Variants in DAPK2 observed in about 807,000 individuals in gnomAD.
DAPK2 encodes death-associated protein kinase 2.
In DAPK2, 35 loss-of-function variants were observed where a neutral mutation model predicts 44.1. The ratio of observed to expected loss-of-function variants is 0.79; its 90% CI spans 0.61 to 1.05. The LOEUF (loss-of-function observed/expected upper bound fraction) is 1.05, where lower values mean the gene tolerates loss of function less well. Ranked by LOEUF, DAPK2 falls within the 50% of genes least tolerant of loss-of-function variation. The pLI is 0.00. For missense variants in DAPK2, 453 were observed against 483.2 expected (o/e 0.94, Z 0.59); for synonymous variants, 174 against 182.6 (o/e 0.95, Z 0.38).
intron 6 of DAPK2, among the ~76,000 whole-genome samples, chr15:63,929,169 A>G (rs1269141709): frequency 2.0e-5 from 3 of 150,516 alleles, no homozygotes; most frequent in Non-Finnish European, 4.4e-5. Flanking sequence ...ACTGCACTCC[A>G]GACTGGGTGA....
chr15:63,958,662 G>T (rs2077797194), intron 3 of DAPK2, among the ~76,000 whole-genome samples: 1 of 152,318 alleles, frequency 6.6e-6, no homozygotes, highest in East Asian at 1.9e-4. Flanking sequence ...TCAGATGGTT[G>T]TAGATGTGTG....
At chr15:64,005,692 A>G (rs149672402) in intron 1 of DAPK2, among the ~76,000 whole-genome samples, 117 of 152,248 alleles carry the variant, frequency 7.7e-4, no homozygotes, top group African/African-American at 2.7e-3. Context: ...AAGTAAACAC[A>G]AAGACTAGAT....
chr15:63,991,129 C>G (rs1326886838), intron 1 of DAPK2: 18 of 416,548 alleles, frequency 4.3e-5, no homozygotes, highest in South Asian at 2.9e-4. Context: ...ATTCAGGAAA[C>G]CAAAACAGAG....
intron 1 of DAPK2, among the ~76,000 whole-genome samples, chr15:63,995,462 T>C (rs2078928503): frequency 6.6e-6 from 1 of 152,360 alleles, no homozygotes; most frequent in East Asian, 1.9e-4. Context: ...TATAGGTCTT[T>C]CTCAGCATCA....
At chr15:64,027,155 G>A (rs1460204631) in intron 1 of DAPK2, among the ~76,000 whole-genome samples, 2 of 152,180 alleles carry the variant, frequency 1.3e-5, no homozygotes, top group Admixed American at 1.3e-4. Context: ...GGCCAAGGCA[G>A]GTGGGTCATC....
At position 63,966,683 on chromosome 15, in the gene DAPK2, T is replaced by C. The variant is rs146367875; in HGVS notation, c.453+4740A>G. 4.6e-4 allele frequency among the ~76,000 whole-genome samples: 70 copies of C among 152,306 alleles called. 1 individual carries two copies. The highest frequency in any genetic ancestry group is 1.7e-3 in the African/African-American group (69 of 41,564). On this transcript the variant is annotated intron_variant, in intron 3 of 10. Coordinates refer to ENST00000261891, the Ensembl canonical transcript of DAPK2. This position sits in a 1 kb window ranked among gnomAD's most constrained non-coding sequence, Gnocchi z 5.5. ...CCATGGGTTCCAGCGGGGTTCTGCC[T>C]GGTATTGCTTTCTGCTGTGACAGGG...
At chr15:63,973,810 T>C (rs537663772) in intron 2 of DAPK2, among the ~76,000 whole-genome samples, 3 of 152,318 alleles carry the variant, frequency 2.0e-5, no homozygotes, top group Non-Finnish European at 2.9e-5. Flanking sequence ...GAACAAATGC[T>C]GTGCCAGAAA....
chr15:63,990,379 G>A lies in DAPK2; in HGVS notation c.93-6625C>T, dbSNP rs1595862819. On this transcript the variant is annotated intron_variant, in intron 1 of 10. Coordinates refer to ENST00000261891, the Ensembl canonical transcript of DAPK2. This position sits in a 1 kb window ranked among gnomAD's most constrained non-coding sequence, Gnocchi z 4.3. ...GGAGGTGGAGGTTGCAGTGAGCTGA[G>A]ATCGCACCGCTGCACTCCAGCCTGG... is the stretch of plus-strand genomic sequence containing the variant. Among the ~76,000 whole-genome samples, 3 of 151,716 alleles carry A rather than the reference G, an allele frequency of 2.0e-5. 1 individual carries two copies. The South Asian group carries it at 6.2e-4, about 31-fold the overall frequency.
chr15:63,914,390 T>C (rs73450769), intron 8 of DAPK2, among the ~76,000 whole-genome samples: 11,142 of 152,034 alleles, frequency 0.073, 995 homozygotes, highest in African/African-American at 0.22. Context: ...AGACAAGGAA[T>C]GGGAAGAGAA....
intron 2 of DAPK2, among the ~76,000 whole-genome samples, chr15:63,981,774 T>C (rs750273993): frequency 1.1e-4 from 17 of 152,170 alleles, no homozygotes; most frequent in Middle Eastern, 3.4e-3. Context: ...TCAGCTTCTC[T>C]CTGGGTCACG....
chr15:63,998,664 A>G (rs2079009910), intron 1 of DAPK2, among the ~76,000 whole-genome samples: 1 of 152,186 alleles, frequency 6.6e-6, no homozygotes, highest in Non-Finnish European at 1.5e-5. Flanking sequence ...TGAGGTTGCC[A>G]TGGCCGTAAC....
chr15:63,974,751 A>T (rs1217999316), intron 2 of DAPK2, among the ~76,000 whole-genome samples: 1 of 152,240 alleles, frequency 6.6e-6, no homozygotes, highest in Non-Finnish European at 1.5e-5. Flanking sequence ...GATTTTTCCC[A>T]CAAGAGTCAG....
At chr15:64,006,506 T>C (rs1410767854) in intron 1 of DAPK2, among the ~76,000 whole-genome samples, 2 of 151,842 alleles carry the variant, frequency 1.3e-5, no homozygotes, top group Admixed American at 1.3e-4. Flanking sequence ...AGCAAGGAAC[T>C]CCCCCAACTC....
rs1477691132 is a variant in DAPK2 at position 64,033,269 on chromosome 15, GAGGGGGA to G, written c.92+6894_92+6900del. On this transcript the variant is annotated intron_variant, in intron 1 of 10. Transcript: ENST00000261891. ...AGAGACCCCTGGGGAGGGGGAGGGG[GAGGGGGA>G]AGGGGGAAGGGGGAAGGAAGGAAGG... is the stretch of plus-strand genomic sequence containing the variant. Among the ~76,000 whole-genome samples the G allele has an allele frequency of 9.5e-4, 64 of 67,074 alleles. 1 individual carries two copies. Among genetic ancestry groups the G allele is most frequent in the African/African-American group, 2.9e-3 (62 of 21,414 alleles). 44.0% of individuals were successfully genotyped at this position (67,074 alleles called of 152,430 possible). A position where few individuals can be genotyped will look rare whatever the true frequency, so the allele number is the denominator to read the frequency against.
In DAPK2 at chr15:63,923,253, G is replaced by A. The variant is rs1193702449; in HGVS notation, c.858+1563C>T. The A allele has an allele frequency of 5.9e-6, 9 of 1,535,940 alleles. No homozygotes were observed. The highest frequency in any genetic ancestry group is 7.8e-6 in the Non-Finnish European group (9 of 1,146,748). On this transcript the variant is annotated intron_variant, in intron 8 of 10. Coordinates refer to ENST00000261891, the Ensembl canonical transcript of DAPK2. This position sits in a 1 kb window ranked among gnomAD's most constrained non-coding sequence, Gnocchi z 4.2. ...GAGTTGTTGGGAGGCATGCTTGAGT[G>A]GCATTTGAGAGTGTACTCTCTCAGG...
chr15:63,976,739 C>T (rs1567245360), intron 2 of DAPK2, among the ~76,000 whole-genome samples: 1 of 152,128 alleles, frequency 6.6e-6, no homozygotes, highest in East Asian at 1.9e-4. Context: ...TTGAGATGTG[C>T]TGTAAGTATA....
chr15:63,961,619 G>A (rs181304843), intron 3 of DAPK2, among the ~76,000 whole-genome samples: 6 of 152,244 alleles, frequency 3.9e-5, no homozygotes, highest in Admixed American at 6.6e-5. Flanking sequence ...TTTGCTAGAT[G>A]TGAGATTCTG....
chr15:64,026,253 A>AT (rs1022807093), intron 1 of DAPK2, among the ~76,000 whole-genome samples: 3 of 151,484 alleles, frequency 2.0e-5, no homozygotes, highest in East Asian at 1.9e-4. Context: ...TAATTAATTA[A>AT]TTTTTTTTAA....
intron 1 of DAPK2, among the ~76,000 whole-genome samples, chr15:63,998,594 G>A (rs1462831853): frequency 1.3e-5 from 2 of 152,156 alleles, no homozygotes; most frequent in East Asian, 3.9e-4. Context: ...GTCTCTGCAG[G>A]GTGGACCTAT....
Sources: allele counts gnomAD v4.1 joint callset (sites outside exome capture counted in the v4.1 genomes callset), GRCh38; gene constraint gnomAD v4.1.1; non-coding constraint Gnocchi (gnomAD v3.1); transcripts MANE v1.5; gene names NCBI Gene and HGNC (gene_info 2026-07-23, HGNC 2026-07-21).